The following CNOT6 variants were observed in gnomAD, a reference collection of about 807,000 sequenced individuals.
CNOT6 encodes the protein CCR4-NOT transcription complex subunit 6.
CNOT6 carries 12 observed loss-of-function variants against 61.2 expected under a neutral mutation model. That is an observed-to-expected ratio of 0.20 (90% CI 0.13 to 0.32). The LOEUF is 0.32. Ranked by LOEUF, CNOT6 falls within the 10% of genes least tolerant of loss-of-function variation. CNOT6 has a pLI of 1.00. For missense variants in CNOT6, 405 were observed against 663.9 expected (o/e 0.61, Z 4.28); for synonymous variants, 225 against 240.6 (o/e 0.94, Z 0.60).
chr5:180,523,153 G>T (rs1561639904), intron 1 of CNOT6, among the ~76,000 whole-genome samples: 1 of 152,204 alleles, frequency 6.6e-6, no homozygotes, highest in African/African-American at 2.4e-5. Flanking sequence ...TGCTTGGTGT[G>T]TGGGGAAAAA....
intron 2 of CNOT6, among the ~76,000 whole-genome samples, chr5:180,549,388 G>A (rs989853872): frequency 5.3e-5 from 8 of 152,184 alleles, no homozygotes; most frequent in African/African-American, 1.9e-4. Flanking sequence ...AGTGGCTCAT[G>A]CCTGTAACCC....
intron 1 of CNOT6, among the ~76,000 whole-genome samples, chr5:180,523,424 G>A (rs984875980): frequency 6.6e-6 from 1 of 150,858 alleles, no homozygotes; most frequent in African/African-American, 2.4e-5. Context: ...TTTTCCCAGG[G>A]GCACACTCAA....
intron 1 of CNOT6, among the ~76,000 whole-genome samples, chr5:180,494,976 A>T (rs925449460): frequency 6.7e-6 from 1 of 149,530 alleles, no homozygotes; most frequent in East Asian, 2.1e-4. Flanking sequence ...AGTCCCTGGG[A>T]GGGGGGCGTT....
intron 4 of CNOT6, among the ~76,000 whole-genome samples, chr5:180,561,333 G>A (rs1476337609): frequency 6.7e-6 from 1 of 149,176 alleles, no homozygotes; most frequent in African/African-American, 2.5e-5. Context: ...TCTTTGCTCA[G>A]TCTTCCTGTT....
At chr5:180,521,527 C>T (rs912057259) in intron 1 of CNOT6, among the ~76,000 whole-genome samples, 3 of 152,294 alleles carry the variant, frequency 2.0e-5, no homozygotes, top group African/African-American at 2.4e-5. Context: ...AAGGTATATG[C>T]GCTGACTTAC....
intron 2 of CNOT6, among the ~76,000 whole-genome samples, chr5:180,541,537 C>T (rs1040479242): frequency 4.9e-5 from 7 of 143,396 alleles, no homozygotes; most frequent in Non-Finnish European, 7.5e-5. Context: ...CTGCAAGCTC[C>T]GCCTCCCGGA....
chr5:180,532,352 GATAC>G (rs762859542), intron 2 of CNOT6, among the ~76,000 whole-genome samples: 3 of 152,126 alleles, frequency 2.0e-5, no homozygotes. Flanking sequence ...AGGTCATTGA[GATAC>G]ATCTCTGAGG....
rs1339705973 is a variant in CNOT6, at chr5:180,550,103, C to A, written c.285C>A (p.Asn95Lys). 6.2e-7 allele frequency: 1 copy of A among 1,613,750 alleles called. No individual in the cohort carries two copies. Among genetic ancestry groups the A allele is most frequent in the Non-Finnish European group, 8.5e-7 (1 of 1,179,720 alleles). ...GTAGCTTACCCGCAGAACTCGGAAA[C>A]ATGGTATCACTCAGGTATGCAGATT... Reference protein sequence around the residue: ...KIRSLPAELGNMVSLRELHLN... With the variant: ...KIRSLPAELGKMVSLRELHLN... Residue 95 changes from asparagine (N) to lysine (K), a missense_variant, in exon 3 of 12, where the codon AAC becomes AAA. Physicochemically the swap from Asn to Lys is moderately conservative, Grantham distance 94. Transcript: ENST00000261951.
intron 1 of CNOT6, among the ~76,000 whole-genome samples, chr5:180,498,274 C>T (rs923811004): frequency 1.3e-5 from 2 of 152,094 alleles, no homozygotes; most frequent in Non-Finnish European, 2.9e-5. Context: ...TTCAGTTACA[C>T]GTTAAGGTAT....
chr5:180,521,949 G>A (rs964617011), intron 1 of CNOT6, among the ~76,000 whole-genome samples: 1 of 152,188 alleles, frequency 6.6e-6, no homozygotes, highest in African/African-American at 2.4e-5. Flanking sequence ...GTTGATGGCA[G>A]CTAGGTTGAT....
intron 1 of CNOT6, among the ~76,000 whole-genome samples, chr5:180,508,940 A>C (rs1177440664): frequency 6.6e-6 from 1 of 151,250 alleles, no homozygotes; most frequent in African/African-American, 2.4e-5. Flanking sequence ...CTCCTGCCTC[A>C]GCCTCCCGAG....
At chr5:180,555,989 TC>T (rs1240388983) in intron 4 of CNOT6, among the ~76,000 whole-genome samples, 1 of 152,180 alleles carries the variant, frequency 6.6e-6, no homozygotes. Context: ...TCACTTTTTT[TC>T]CTTAAACTGT....
In CNOT6 at chr5:180,574,354, A is replaced by G; in HGVS notation, c.*154A>G. On this transcript the variant is annotated 3_prime_UTR_variant, in exon 12 of 12. Coordinates refer to ENST00000261951, the MANE Select transcript of CNOT6 (RefSeq NM_001370472.1). ...TTGATAAGGATATAGTATGAAAGCCAGGTGCTAGCAACAGACAAATTCTGA... is the reference window on the plus strand; with the variant it reads ...TTGATAAGGATATAGTATGAAAGCCGGGTGCTAGCAACAGACAAATTCTGA... The G allele has an allele frequency of 1.5e-6, 1 of 656,856 alleles. No individual in the cohort carries two copies. The highest frequency in any genetic ancestry group is 2.6e-6 in the Non-Finnish European group (1 of 379,284). 40.7% of individuals were successfully genotyped at this position (656,856 alleles called of 1,614,324 possible). A position where few individuals can be genotyped will look rare whatever the true frequency, so the allele number is the denominator to read the frequency against.
intron 4 of CNOT6, among the ~76,000 whole-genome samples, chr5:180,563,410 TC>T: frequency 1.3e-5 from 2 of 151,248 alleles, no homozygotes; most frequent in Non-Finnish European, 3.0e-5. Context: ...GCTTTTTTTT[TC>T]TTTTATATTT....
chr5:180,541,839 C>T (rs536464267), intron 2 of CNOT6, among the ~76,000 whole-genome samples: 9 of 151,168 alleles, frequency 6.0e-5, no homozygotes, highest in Admixed American at 2.6e-4. Flanking sequence ...TGGCACTATC[C>T]GGCCAGAGAA....
intron 1 of CNOT6, among the ~76,000 whole-genome samples, chr5:180,518,030 C>G (rs1757725593): frequency 6.6e-6 from 1 of 152,076 alleles, no homozygotes; most frequent in African/African-American, 2.4e-5. Context: ...GTCTTGATTA[C>G]TATAGTAGTT....
intron 6 of CNOT6, 83 bp from the exon 7 acceptor site, chr5:180,565,737 A>AT (rs2127762156): frequency 7.6e-7 from 1 of 1,309,682 alleles, no homozygotes; most frequent in East Asian, 2.4e-5. Context: ...CAAACTTAAC[A>AT]TTTAAGTGAA....
intron 2 of CNOT6, among the ~76,000 whole-genome samples, chr5:180,544,655 G>A (rs1409759888): frequency 6.6e-6 from 1 of 152,162 alleles, no homozygotes; most frequent in African/African-American, 2.4e-5. Context: ...CACCCTGTAT[G>A]GGAAAAGGAG....
At chr5:180,573,574 T>C (rs1760865447) in intron 11 of CNOT6, among the ~76,000 whole-genome samples, 1 of 31,920 alleles carries the variant, frequency 3.1e-5, no homozygotes, top group Non-Finnish European at 7.7e-5. Context: ...TGTGTGTGTG[T>C]GTGTGTGTGT....
Sources: allele counts gnomAD v4.1 joint callset (sites outside exome capture counted in the v4.1 genomes callset), GRCh38; gene constraint gnomAD v4.1.1; transcripts MANE v1.5; gene names NCBI Gene and HGNC (gene_info 2026-07-23, HGNC 2026-07-21).